Variants in PTGER3 observed in about 807,000 individuals in gnomAD.
The protein encoded by PTGER3 is prostaglandin E2 receptor EP3 subtype.
Under a neutral mutation model 34.7 loss-of-function variants are expected in PTGER3, and 22 were observed. The ratio of observed to expected loss-of-function variants is 0.63; its 90% CI spans 0.45 to 0.91. PTGER3 has a LOEUF of 0.91. PTGER3 is among the 40% of genes least tolerant of loss of function. PTGER3 has a pLI of 0.00. For synonymous variants in PTGER3, 241 were observed against 230.1 expected (o/e 1.05, Z -0.43); for missense variants, 468 against 519.4 (o/e 0.90, Z 0.96).
At chr1:70,961,781 A>G (rs532541847) in intron 2 of PTGER3, among the ~76,000 whole-genome samples, 1 of 152,224 alleles carries the variant, frequency 6.6e-6, no homozygotes, top group Admixed American at 6.5e-5. Context: ...GGTTCAGCAG[A>G]TGGCTAATGA....
chr1:70,989,554 A>C (rs1197119641), intron 2 of PTGER3, among the ~76,000 whole-genome samples: 1 of 152,200 alleles, frequency 6.6e-6, no homozygotes, highest in Non-Finnish European at 1.5e-5. Context: ...TAGCTAAAAC[A>C]ATATTATTGA....
intron 4 of PTGER3, among the ~76,000 whole-genome samples, chr1:70,927,886 C>T (rs1364337712): frequency 6.6e-6 from 1 of 152,020 alleles, no homozygotes; most frequent in Non-Finnish European, 1.5e-5. Context: ...AACCTCTAAA[C>T]CAAGTGCCTT....
chr1:71,000,451 A>C (rs1656373383), intron 2 of PTGER3, among the ~76,000 whole-genome samples: 1 of 152,208 alleles, frequency 6.6e-6, no homozygotes, highest in African/African-American at 2.4e-5. Context: ...GTTAGTGTTC[A>C]TGTGTCCCTG....
At chr1:70,997,245 C>G (rs1233471342) in intron 2 of PTGER3, 2 of 151,970 alleles carry the variant, frequency 1.3e-5, no homozygotes, top group African/African-American at 2.4e-5. Flanking sequence ...GCACTCCAGC[C>G]TGGGTGACAG....
chr1:70,991,602 T>G (rs1336809307), intron 2 of PTGER3, among the ~76,000 whole-genome samples: 1 of 152,236 alleles, frequency 6.6e-6, no homozygotes, highest in South Asian at 2.1e-4. Flanking sequence ...GAAGAGAATT[T>G]TGAAATGGGC....
chr1:70,891,237 C>G (rs1324693527), intron 4 of PTGER3, among the ~76,000 whole-genome samples: 4 of 152,220 alleles, frequency 2.6e-5, no homozygotes, highest in Non-Finnish European at 5.9e-5. Context: ...AGTCATCACA[C>G]AGGCACTCAA....
At chr1:70,917,551 ACTTT>A (rs1465851007) in intron 4 of PTGER3, among the ~76,000 whole-genome samples, 1 of 151,478 alleles carries the variant, frequency 6.6e-6, no homozygotes, top group East Asian at 1.9e-4. Flanking sequence ...TACTGATTTC[ACTTT>A]CTTTGGATAT....
intron 2 of PTGER3, among the ~76,000 whole-genome samples, chr1:71,001,863 T>A (rs1656524596): frequency 6.6e-6 from 1 of 152,244 alleles, no homozygotes; most frequent in African/African-American, 2.4e-5. Flanking sequence ...GGGAAGTCTG[T>A]AGTAAACATG....
intron 4 of PTGER3, among the ~76,000 whole-genome samples, chr1:70,888,419 A>T (rs1031663400): frequency 1.3e-5 from 2 of 152,176 alleles, no homozygotes; most frequent in South Asian, 4.1e-4. Flanking sequence ...ATACAACATG[A>T]TGTTTTGATA....
chr1:70,959,026 T>C (rs566545882), intron 2 of PTGER3, among the ~76,000 whole-genome samples: 1 of 152,240 alleles, frequency 6.6e-6, no homozygotes, highest in East Asian at 1.9e-4. Flanking sequence ...ATTCCATTGA[T>C]CTATGTGTCT....
intron 4 of PTGER3, among the ~76,000 whole-genome samples, chr1:70,917,728 T>A (rs1434787107): frequency 1.3e-5 from 2 of 152,042 alleles, no homozygotes; most frequent in Non-Finnish European, 2.9e-5. Flanking sequence ...TTTGCCTTTT[T>A]GATAATAGCC....
chr1:71,029,848 C>T (rs1356833586), intron 1 of PTGER3, among the ~76,000 whole-genome samples: 1 of 151,746 alleles, frequency 6.6e-6, no homozygotes, highest in Non-Finnish European at 1.5e-5. Context: ...ATCACTTGAA[C>T]CTGGGAGGTG....
chr1:70,930,725 C>A (rs1462244573), intron 4 of PTGER3, among the ~76,000 whole-genome samples: 2 of 152,122 alleles, frequency 1.3e-5, no homozygotes, highest in Non-Finnish European at 2.9e-5. Context: ...ACCATGAGAA[C>A]AGCATGAGGG....
rs1275049835 is a variant in PTGER3, at chr1:70,853,005, A to G, written c.*24-146T>C. The G allele has an allele frequency of 4.2e-6, 4 of 955,114 alleles. No homozygotes were observed. The Admixed American group carries it at 6.4e-5, about 15-fold the overall frequency. 59.2% of individuals were successfully genotyped at this position (955,114 alleles called of 1,614,324 possible). A position where few individuals can be genotyped will look rare whatever the true frequency, so the allele number is the denominator to read the frequency against. ...CTTACAGCAGTATAACAAGAACAAG[A>G]ACAAGAACGAAGTTGTGTGACAGTA... On this transcript the variant is annotated intron_variant, in intron 4 of 4. Coordinates refer to the PTGER3 transcript ENST00000370931.
At chr1:70,861,083 A>T (rs1645916841) in intron 4 of PTGER3, among the ~76,000 whole-genome samples, 1 of 152,158 alleles carries the variant, frequency 6.6e-6, no homozygotes, top group Admixed American at 6.5e-5. Context: ...CAGAAGTGAC[A>T]ATTAAGTTTA....
chr1:70,994,939 A>C (rs1451552335), intron 2 of PTGER3, among the ~76,000 whole-genome samples: 1 of 152,044 alleles, frequency 6.6e-6, no homozygotes, highest in African/African-American at 2.4e-5. Context: ...AGTGGGAGGG[A>C]CTGGGACACT....
At chr1:70,885,007 A>T (rs2100234130) in intron 4 of PTGER3, among the ~76,000 whole-genome samples, 1 of 152,282 alleles carries the variant, frequency 6.6e-6, no homozygotes, top group East Asian at 1.9e-4. Flanking sequence ...ATCCCACTGA[A>T]TTCTGTAAAT....
At chr1:70,993,429 T>C (rs573320408) in intron 2 of PTGER3, among the ~76,000 whole-genome samples, 22 of 152,352 alleles carry the variant, frequency 1.4e-4, no homozygotes, top group African/African-American at 5.3e-4. Flanking sequence ...TTCTGAGAAA[T>C]TCACCAAGTA....
intron 4 of PTGER3, chr1:70,862,344 G>A (rs527675356): frequency 7.3e-7 from 1 of 1,366,760 alleles, no homozygotes; most frequent in Admixed American, 1.9e-5. Flanking sequence ...TCATCCCAGG[G>A]TTAGGCAGAT....
Sources: allele counts gnomAD v4.1 joint callset (sites outside exome capture counted in the v4.1 genomes callset), GRCh38; gene constraint gnomAD v4.1.1; transcripts MANE v1.5; gene names NCBI Gene and HGNC (gene_info 2026-07-23, HGNC 2026-07-21).